Variants in GALNT13 observed in about 807,000 individuals in gnomAD.
GALNT13 encodes the protein polypeptide N-acetylgalactosaminyltransferase 13.
In GALNT13, 28 loss-of-function variants were observed where a neutral mutation model predicts 64.2. The observed-to-expected ratio is 0.44, with a 90% CI of 0.32 to 0.60. The LOEUF is 0.60. GALNT13 is among the 20% of genes least tolerant of loss of function. GALNT13 has a pLI of 0.05. For synonymous variants in GALNT13, 214 were observed against 224.6 expected, an observed-to-expected ratio of 0.95 and a Z score of 0.42; for missense variants, 577 against 669.8, an observed-to-expected ratio of 0.86 and a Z score of 1.53.
At chr2:153,270,732 G>A in the GALNT13 span, among the ~76,000 whole-genome samples, 1 of 152,238 alleles carries the variant, frequency 6.6e-6, no homozygotes, top group East Asian at 1.9e-4. Context: ...ACCCCTTGTA[G>A]ACTGAGCTAC....
At chr2:153,261,693 A>C in the GALNT13 span, among the ~76,000 whole-genome samples, 1 of 151,976 alleles carries the variant, frequency 6.6e-6, no homozygotes, top group Non-Finnish European at 1.5e-5. Flanking sequence ...GCTACTACCT[A>C]TGTTCACTCA....
At chr2:153,259,143 C>G in the GALNT13 span, among the ~76,000 whole-genome samples, 1 of 152,094 alleles carries the variant, frequency 6.6e-6, no homozygotes, top group African/African-American at 2.4e-5. Context: ...TTGTTATGTC[C>G]TCTTGGTGAA....
intron 2 of GALNT13, among the ~76,000 whole-genome samples, chr2:153,937,693 G>A (rs926148105): frequency 3.3e-5 from 5 of 152,136 alleles, no homozygotes; most frequent in Admixed American, 2.6e-4. Context: ...TGGCTGCTTG[G>A]TCTATAGTTG....
chr2:154,428,276 A>G (rs145073635), intron 11 of GALNT13, among the ~76,000 whole-genome samples: 1 of 152,332 alleles, frequency 6.6e-6, no homozygotes, highest in Non-Finnish European at 1.5e-5. Flanking sequence ...CAGCTCGGAC[A>G]TATTGGGAAT....
At chr2:153,763,286 A>G in the GALNT13 span, among the ~76,000 whole-genome samples, 1 of 152,146 alleles carries the variant, frequency 6.6e-6, no homozygotes, top group African/African-American at 2.4e-5. Flanking sequence ...AAGGTCCTCT[A>G]GTCATTCCGG....
chr2:153,755,731 G>A, the GALNT13 span, among the ~76,000 whole-genome samples: 8 of 151,966 alleles, frequency 5.3e-5, no homozygotes, highest in Non-Finnish European at 1.0e-4. Context: ...CTTTTGTTGT[G>A]TATTTTATTT....
chr2:153,980,428 A>C (rs994957411), intron 3 of GALNT13, among the ~76,000 whole-genome samples: 2 of 152,150 alleles, frequency 1.3e-5, no homozygotes, highest in African/African-American at 2.4e-5. Flanking sequence ...AGCCTAAATA[A>C]AGTTAGTGAA....
At chr2:153,721,376 A>G in the GALNT13 span, among the ~76,000 whole-genome samples, 4 of 142,044 alleles carry the variant, frequency 2.8e-5, no homozygotes, top group East Asian at 8.1e-4. Flanking sequence ...TGTAAAGACC[A>G]TCGAGACTAG....
At chr2:154,320,827 T>C (rs981171691) in intron 9 of GALNT13, among the ~76,000 whole-genome samples, 1 of 152,206 alleles carries the variant, frequency 6.6e-6, no homozygotes. Flanking sequence ...TGTATAAACC[T>C]AATCATCCAA....
At chr2:153,281,321 T>A in the GALNT13 span, among the ~76,000 whole-genome samples, 9 of 21,658 alleles carry the variant, frequency 4.2e-4, no homozygotes, top group African/African-American at 1.5e-3. Context: ...GAGCCTTGCG[T>A]TTTTTTTTTT....
At chr2:154,298,624 T>TTGTATATATAATTTATATATACAA (rs1559075732) in intron 8 of GALNT13, among the ~76,000 whole-genome samples, 1 of 24,128 alleles carries the variant, frequency 4.1e-5, no homozygotes, top group African/African-American at 1.4e-4. Context: ...TATATATACA[T>TTGTATATATAATTTATATATACAA]TGTATATATA....
At chr2:154,019,257 T>C (rs1477851417) in intron 3 of GALNT13, among the ~76,000 whole-genome samples, 1 of 152,160 alleles carries the variant, frequency 6.6e-6, no homozygotes, top group Non-Finnish European at 1.5e-5. Context: ...AAAAATCAAA[T>C]GGATTGTTTA....
At chr2:153,924,711 C>T (rs1689996867) in intron 2 of GALNT13, among the ~76,000 whole-genome samples, 1 of 152,094 alleles carries the variant, frequency 6.6e-6, no homozygotes, top group Non-Finnish European at 1.5e-5. Context: ...TCCACGACCT[C>T]GTCAGCATCT....
chr2:154,126,781 G>A (rs997421100), intron 3 of GALNT13, among the ~76,000 whole-genome samples: 2 of 152,094 alleles, frequency 1.3e-5, no homozygotes, highest in Admixed American at 1.3e-4. Context: ...GGTAATGTGG[G>A]CTTAACATGC....
At chr2:153,838,514 C>T in the GALNT13 span, among the ~76,000 whole-genome samples, 18 of 151,788 alleles carry the variant, frequency 1.2e-4, no homozygotes, top group Admixed American at 8.6e-4. Context: ...ATTGAAGGGA[C>T]GGCCCTTTCC....
chr2:153,939,056 C>CA (rs113109189), intron 2 of GALNT13, among the ~76,000 whole-genome samples: 98 of 151,478 alleles, frequency 6.5e-4, no homozygotes, highest in Admixed American at 9.9e-4. Context: ...AAATAAGAAA[C>CA]AAAAAAAACC....
chr2:153,506,521 T>C, the GALNT13 span, among the ~76,000 whole-genome samples: 3 of 152,226 alleles, frequency 2.0e-5, no homozygotes, highest in African/African-American at 4.8e-5. Context: ...GCAGTTCTTG[T>C]AGTGCTGGCT....
At chr2:153,879,867 G>A (rs1384165027) in intron 1 of GALNT13, among the ~76,000 whole-genome samples, 2 of 152,138 alleles carry the variant, frequency 1.3e-5, no homozygotes, top group African/African-American at 2.4e-5. Flanking sequence ...TTATGAATGG[G>A]ATAGTAAACA....
At chr2:153,980,620 G>A (rs1402253239) in intron 3 of GALNT13, among the ~76,000 whole-genome samples, 3 of 152,096 alleles carry the variant, frequency 2.0e-5, no homozygotes, top group Non-Finnish European at 4.4e-5. Flanking sequence ...AGAGATTCAT[G>A]TAAGAGTTTT....
Sources: allele counts gnomAD v4.1 joint callset (sites outside exome capture counted in the v4.1 genomes callset), GRCh38; gene constraint gnomAD v4.1.1; transcripts MANE v1.5; gene names NCBI Gene and HGNC (gene_info 2026-07-23, HGNC 2026-07-21).